Variants in TTC28 observed in about 807,000 individuals in gnomAD.
TTC28 encodes tetratricopeptide repeat domain 28, also known as tetratricopeptide repeat protein 28.
Under a neutral mutation model 198.0 loss-of-function variants are expected in TTC28, and 61 were observed. That is an observed-to-expected ratio of 0.31 (90% CI 0.25 to 0.38). The LOEUF is 0.38. Ranked by LOEUF, TTC28 falls within the 10% of genes least tolerant of loss-of-function variation. TTC28 has a pLI of 1.00. For synonymous variants in TTC28, 1,171 were observed against 1,297.8 expected (o/e 0.90, Z 2.10); for missense variants, 2,678 against 3,164.0 (o/e 0.85, Z 3.69).
At chr22:28,637,431 TC>T (rs2051293418) in intron 1 of TTC28, among the ~76,000 whole-genome samples, 1 of 152,232 alleles carries the variant, frequency 6.6e-6, no homozygotes, top group African/African-American at 2.4e-5. Context: ...TTGGAAACTA[TC>T]CTTTCCCCAT....
At chr22:28,424,330 C>G (rs1026376457) in intron 2 of TTC28, among the ~76,000 whole-genome samples, 1 of 152,150 alleles carries the variant, frequency 6.6e-6, no homozygotes, top group African/African-American at 2.4e-5. Flanking sequence ...CTCTACTCCT[C>G]TCCATGGGGC....
In TTC28 at chr22:28,061,147, T is replaced by C. The variant is rs372157149; in HGVS notation, c.3933-30781A>G. Among the ~76,000 whole-genome samples the C allele has an allele frequency of 4.4e-4, 67 of 152,328 alleles. 1 individual carries two copies. In the East Asian group the frequency reaches 9.8e-3, roughly 22 times the overall value. ...TTGTCAGATGGGTAGATTGCAAAAA[T>C]TTTCTCCCATTCTGTAGGTTGTCTG... On this transcript the variant is annotated intron_variant, in intron 12 of 22. Coordinates refer to ENST00000397906, the MANE Select transcript of TTC28 (RefSeq NM_001145418.2).
intron 2 of TTC28, among the ~76,000 whole-genome samples, chr22:28,529,421 G>A (rs1412113919): frequency 1.3e-5 from 2 of 152,162 alleles, no homozygotes; most frequent in African/African-American, 2.4e-5. Context: ...GCTCAAACTG[G>A]GTGGAGTCCA....
intron 21 of TTC28, among the ~76,000 whole-genome samples, chr22:27,988,692 TCA>T (rs2146511748): frequency 6.6e-6 from 1 of 152,276 alleles, no homozygotes; most frequent in Non-Finnish European, 1.5e-5. Context: ...TCCACTTCTC[TCA>T]GTTTAAAATC....
chr22:28,316,819 C>T (rs545027485), intron 2 of TTC28, among the ~76,000 whole-genome samples: 79 of 152,234 alleles, frequency 5.2e-4, no homozygotes, highest in African/African-American at 1.5e-3. Context: ...CAGGCTGGAA[C>T]GCAGTGGTAT....
At chr22:28,052,895 G>A (rs1477934456) in intron 12 of TTC28, among the ~76,000 whole-genome samples, 1 of 152,196 alleles carries the variant, frequency 6.6e-6, no homozygotes, top group Non-Finnish European at 1.5e-5. Flanking sequence ...CGACACAACA[G>A]GTTTCTATGG....
At chr22:28,441,449 A>G (rs753450827) in intron 2 of TTC28, among the ~76,000 whole-genome samples, 6 of 152,208 alleles carry the variant, frequency 3.9e-5, no homozygotes, top group Non-Finnish European at 7.3e-5. Context: ...TCTCAACCAA[A>G]GTGAATGGAA....
intron 2 of TTC28, among the ~76,000 whole-genome samples, chr22:28,431,339 A>C (rs992270866): frequency 1.3e-5 from 2 of 152,228 alleles, no homozygotes; most frequent in Non-Finnish European, 2.9e-5. Flanking sequence ...CAGTCTCTAA[A>C]ATAGCTACAC....
chr22:28,083,185 G>C (rs1407273167), intron 12 of TTC28, among the ~76,000 whole-genome samples: 1 of 151,852 alleles, frequency 6.6e-6, no homozygotes, highest in Non-Finnish European at 1.5e-5. Context: ...TTTTAGACCA[G>C]AGGTGCCTGG....
At chr22:28,263,780 C>T (rs1931490992) in intron 5 of TTC28, among the ~76,000 whole-genome samples, 2 of 151,854 alleles carry the variant, frequency 1.3e-5, no homozygotes, top group African/African-American at 4.8e-5. Context: ...GATCTCAGAA[C>T]AAAAGGAGTA....
intron 13 of TTC28, among the ~76,000 whole-genome samples, chr22:28,019,610 C>T (rs960097423): frequency 6.6e-6 from 1 of 152,200 alleles, no homozygotes; most frequent in Admixed American, 6.5e-5. Context: ...TGCTCTCTGC[C>T]GTCCACCTTC....
chr22:28,563,839 T>C (rs1007287257), intron 2 of TTC28, among the ~76,000 whole-genome samples: 2 of 152,088 alleles, frequency 1.3e-5, no homozygotes, highest in African/African-American at 4.8e-5. Flanking sequence ...TACATGTACA[T>C]ACATGTTCGT....
chr22:28,564,760 C>T (rs2049944590), intron 2 of TTC28, among the ~76,000 whole-genome samples: 2 of 150,572 alleles, frequency 1.3e-5, no homozygotes, highest in Admixed American at 1.3e-4. Flanking sequence ...GTTACACAAC[C>T]CCCAATCATC....
At chr22:28,671,540 C>T (rs962927817) in intron 1 of TTC28, among the ~76,000 whole-genome samples, 1 of 147,360 alleles carries the variant, frequency 6.8e-6, no homozygotes, top group East Asian at 2.1e-4. Context: ...GACACTGAGG[C>T]AGGAGAATGG....
chr22:28,341,304 C>T, intron 2 of TTC28, among the ~76,000 whole-genome samples: 1 of 152,176 alleles, frequency 6.6e-6, no homozygotes, highest in East Asian at 1.9e-4. Context: ...GGAATTTATT[C>T]AACTTCCTGA....
At chr22:28,588,282 T>C (rs1474954788) in intron 2 of TTC28, among the ~76,000 whole-genome samples, 1 of 152,244 alleles carries the variant, frequency 6.6e-6, no homozygotes, top group Non-Finnish European at 1.5e-5. Flanking sequence ...ATAATTTACC[T>C]TTAAATGTCA....
At chr22:28,482,372 G>A (rs571061169) in intron 2 of TTC28, among the ~76,000 whole-genome samples, 1 of 151,600 alleles carries the variant, frequency 6.6e-6, no homozygotes, top group South Asian at 2.1e-4. Flanking sequence ...ACACGCCCAG[G>A]TAATTTTTTG....
chr22:28,012,862 TATC>T (rs1222569674), intron 14 of TTC28, among the ~76,000 whole-genome samples: 1 of 152,170 alleles, frequency 6.6e-6, no homozygotes, highest in African/African-American at 2.4e-5. Flanking sequence ...CATTGGGTGT[TATC>T]ATCCTCATTT....
chr22:28,112,481 T>C (rs542406807), intron 6 of TTC28, among the ~76,000 whole-genome samples: 18 of 152,142 alleles, frequency 1.2e-4, no homozygotes, highest in Non-Finnish European at 2.5e-4. Flanking sequence ...TAAAGAATCA[T>C]AGGAAGACTC....
Sources: allele counts gnomAD v4.1 joint callset (sites outside exome capture counted in the v4.1 genomes callset), GRCh38; gene constraint gnomAD v4.1.1; transcripts MANE v1.5; gene names NCBI Gene and HGNC (gene_info 2026-07-23, HGNC 2026-07-21).